KRABD4: variants seen among roughly 807,000 people sequenced by gnomAD.
KRABD4 encodes KRAB domain containing 4, also known as KRAB domain-containing protein 4.
chrX:46,469,091 T>C, the KRABD4 span, among the ~76,000 whole-genome samples: 3 of 111,599 alleles, frequency 2.7e-5, no homozygotes, highest in African/African-American at 9.9e-5. Flanking sequence ...CTGTACCACA[T>C]GTCTTAATTG....
At chrX:46,451,639 C>T in the KRABD4 span, among the ~76,000 whole-genome samples, 1 of 111,260 alleles carries the variant, frequency 9.0e-6, no homozygotes, top group Admixed American at 9.6e-5. Flanking sequence ...GTTTTGCCCT[C>T]CGAAATCCTT....
the KRABD4 span, chrX:46,462,744 A>C: frequency 8.3e-7 from 1 of 1,211,546 alleles, no homozygotes; most frequent in Non-Finnish European, 1.1e-6. Flanking sequence ...ATGTGCCATT[A>C]CAGGAATCAT....
chrX:46,449,303 C>T, the KRABD4 span, among the ~76,000 whole-genome samples: 1 of 111,553 alleles, frequency 9.0e-6, no homozygotes, highest in Non-Finnish European at 1.9e-5. Flanking sequence ...CACCCAGCCC[C>T]ACACCTCTCC....
the KRABD4 span, among the ~76,000 whole-genome samples, chrX:46,465,179 TA>T: frequency 1.3e-3 from 151 of 113,130 alleles, 1 homozygote; most frequent in Non-Finnish European, 1.7e-3. Flanking sequence ...TGGTAACTTT[TA>T]AAAAATCTAG....
chrX:46,463,887 C>G, the KRABD4 span, among the ~76,000 whole-genome samples: 1 of 110,701 alleles, frequency 9.0e-6, no homozygotes, highest in Admixed American at 9.7e-5. Context: ...TGCCTGCTTT[C>G]ACTTTGTGGT....
the KRABD4 span, chrX:46,472,092 G>A: frequency 8.9e-6 from 1 of 111,907 alleles, no homozygotes; most frequent in Non-Finnish European, 1.9e-5. Flanking sequence ...GAACTATTTG[G>A]ATTGCCACTG....
chrX:46,462,158 A>T, the KRABD4 span, among the ~76,000 whole-genome samples: 1 of 112,236 alleles, frequency 8.9e-6, no homozygotes, highest in Non-Finnish European at 1.9e-5. Context: ...TTAGTCATAT[A>T]GATACTCTAT....
At chrX:46,450,892 G>A in the KRABD4 span, among the ~76,000 whole-genome samples, 2 of 108,989 alleles carry the variant, frequency 1.8e-5, no homozygotes, top group African/African-American at 3.4e-5. Context: ...TAGTAGAGAC[G>A]GGGCTTCACC....
the KRABD4 span, among the ~76,000 whole-genome samples, chrX:46,453,707 G>A: frequency 8.9e-6 from 1 of 111,837 alleles, no homozygotes; most frequent in African/African-American, 3.2e-5. Flanking sequence ...CATAATAGCT[G>A]CAGTTATTAA....
chrX:46,449,676 T>G, the KRABD4 span, among the ~76,000 whole-genome samples: 1 of 112,804 alleles, frequency 8.9e-6, no homozygotes, highest in Admixed American at 9.3e-5. Flanking sequence ...CATAGCATTT[T>G]GAAAGGCTGT....
chrX:46,472,758 C>G, the KRABD4 span: 91 of 1,205,698 alleles, frequency 7.5e-5, no homozygotes, highest in East Asian at 2.7e-3. Context: ...AGAAGTCTGG[C>G]AAGTTGATGA....
At chrX:46,450,025 G>A in the KRABD4 span, among the ~76,000 whole-genome samples, 8 of 111,587 alleles carry the variant, frequency 7.2e-5, no homozygotes, top group Non-Finnish European at 5.6e-5. Context: ...CCAAAGTGCT[G>A]GGATTATAAG....
At chrX:46,459,689 T>C in the KRABD4 span, among the ~76,000 whole-genome samples, 14 of 112,041 alleles carry the variant, frequency 1.2e-4, no homozygotes, top group African/African-American at 4.5e-4. Flanking sequence ...ACTCTCATTA[T>C]CATTGTCATG....
chrX:46,474,540 AACAC>A, the KRABD4 span: 1 of 112,167 alleles, frequency 8.9e-6, no homozygotes, highest in Non-Finnish European at 1.9e-5. Flanking sequence ...ATGTAAGTCT[AACAC>A]ACATTTAAAA....
chrX:46,457,205 C>G, the KRABD4 span: 3 of 234,662 alleles, frequency 1.3e-5, no homozygotes, highest in Non-Finnish European at 2.4e-5. Flanking sequence ...TCATCCTTCT[C>G]TGCCATGCCA....
chrX:46,470,467 T>A, the KRABD4 span, among the ~76,000 whole-genome samples: 6 of 111,480 alleles, frequency 5.4e-5, no homozygotes, highest in African/African-American at 2.0e-4. Context: ...ATGGGATTAG[T>A]TCTTTTCACT....
chrX:46,464,561 G>GC, the KRABD4 span, among the ~76,000 whole-genome samples: 1 of 112,204 alleles, frequency 8.9e-6, no homozygotes, highest in East Asian at 2.8e-4. Context: ...CCCTGTGCTG[G>GC]CATTTGTGGC....
chrX:46,449,991 C>T, the KRABD4 span, among the ~76,000 whole-genome samples: 1 of 111,013 alleles, frequency 9.0e-6, no homozygotes, highest in Non-Finnish European at 1.9e-5. Context: ...TCCTGGGCTC[C>T]AGTGATCTGC....
the KRABD4 span, chrX:46,472,355 C>G: frequency 7.6e-6 from 1 of 130,734 alleles, no homozygotes; most frequent in African/African-American, 3.2e-5. Flanking sequence ...GCAGGTAGCT[C>G]AATTCTAATT....
Sources: allele counts gnomAD v4.1 joint callset (sites outside exome capture counted in the v4.1 genomes callset), GRCh38; gene constraint gnomAD v4.1.1; transcripts MANE v1.5; gene names NCBI Gene and HGNC (gene_info 2026-07-23, HGNC 2026-07-21).